SLC22A15: variants seen among roughly 807,000 people sequenced by gnomAD.
SLC22A15 encodes the protein solute carrier family 22 member 15.
Under a neutral mutation model 62.7 loss-of-function variants are expected in SLC22A15, and 45 were observed. The observed-to-expected ratio is 0.72, with a 90% CI of 0.56 to 0.92. The LOEUF (loss-of-function observed/expected upper bound fraction) is 0.92, where lower values mean the gene tolerates loss of function less well. Ranked by LOEUF, SLC22A15 falls within the 40% of genes least tolerant of loss-of-function variation. The pLI is 0.00. For synonymous variants in SLC22A15, 264 were observed against 267.0 expected (o/e 0.99, Z 0.11); for missense variants, 622 against 665.6 (o/e 0.93, Z 0.72).
intron 2 of SLC22A15, among the ~76,000 whole-genome samples, chr1:116,002,051 A>G (rs761881071): frequency 6.6e-6 from 1 of 152,246 alleles, no homozygotes; most frequent in Admixed American, 6.5e-5. Flanking sequence ...CCATAAGTGC[A>G]TGAGATAGCA....
intron 3 of SLC22A15, among the ~76,000 whole-genome samples, 173 bp from the exon 4 acceptor site, chr1:116,020,548 T>A: frequency 6.9e-6 from 1 of 145,790 alleles, no homozygotes. Flanking sequence ...AGAGCGAGAC[T>A]CCATCTCAAA....
At chr1:115,978,403 A>G (rs1381536640) in intron 1 of SLC22A15, among the ~76,000 whole-genome samples, 1 of 152,236 alleles carries the variant, frequency 6.6e-6, no homozygotes, top group African/African-American at 2.4e-5. Flanking sequence ...AAAAGTTCCA[A>G]GCCCATGCCT....
chr1:116,026,331 T>C (rs967010542), intron 4 of SLC22A15, among the ~76,000 whole-genome samples: 4 of 151,688 alleles, frequency 2.6e-5, no homozygotes, highest in African/African-American at 4.8e-5. Context: ...AGGCAGAGAA[T>C]TGCTTGAACC....
At chr1:115,981,534 A>G (rs1654609669) in intron 1 of SLC22A15, among the ~76,000 whole-genome samples, 2 of 152,218 alleles carry the variant, frequency 1.3e-5, no homozygotes, top group Middle Eastern at 3.2e-3. Context: ...CCAAACCCAC[A>G]CTGGCCCCCA....
intron 6 of SLC22A15, among the ~76,000 whole-genome samples, chr1:116,033,709 A>G (rs1471620876): frequency 2.0e-5 from 3 of 152,138 alleles, no homozygotes; most frequent in Admixed American, 2.0e-4. Context: ...AAAACGTTTT[A>G]GAAAACTGCA....
At chr1:116,007,230 G>A (rs2101180715) in intron 2 of SLC22A15, among the ~76,000 whole-genome samples, 1 of 152,266 alleles carries the variant, frequency 6.6e-6, no homozygotes, top group African/African-American at 2.4e-5. Flanking sequence ...AACAACATGG[G>A]GAGCAGGGCA....
chr1:116,037,499 T>C (rs1657661874), intron 8 of SLC22A15, 111 bp downstream of exon 8: 8 of 818,860 alleles, frequency 9.8e-6, no homozygotes, highest in Non-Finnish European at 1.6e-5. Context: ...GATTGCATAT[T>C]GTTTAGCAAT....
chr1:116,016,661 C>T (rs1017938515), intron 2 of SLC22A15, among the ~76,000 whole-genome samples: 14 of 152,118 alleles, frequency 9.2e-5, no homozygotes, highest in African/African-American at 3.1e-4. Context: ...TCTTGAATTC[C>T]CACCATGTAC....
At chr1:115,992,336 A>G (rs1655188175) in intron 2 of SLC22A15, 93 bp downstream of exon 2, 1 of 1,058,064 alleles carries the variant, frequency 9.5e-7, no homozygotes. Flanking sequence ...TATCAGCCAC[A>G]TTTTCAAATA....
chr1:116,032,194 C>A lies in SLC22A15; in HGVS notation c.944+613C>A, dbSNP rs899569468. On this transcript the variant is annotated intron_variant, in intron 6 of 11. Coordinates refer to ENST00000369503, the MANE Select transcript of SLC22A15 (RefSeq NM_018420.3). ...ATTTTTCTGGTTGTTTAGCTTATTCCCACCTACCTTTCAAAATGCTCTCAG... is the reference window on the plus strand; with the variant it reads ...ATTTTTCTGGTTGTTTAGCTTATTCACACCTACCTTTCAAAATGCTCTCAG... The A allele has an allele frequency of 7.1e-6, 7 of 985,276 alleles. No individual in the cohort carries two copies. The African/African-American group carries it at 8.7e-5, about 12-fold the overall frequency. The allele number at this position is 985,276 out of a possible 1,614,324, so 61.0% of individuals were successfully genotyped here.
chr1:115,989,146 T>C (rs989833733), intron 1 of SLC22A15, among the ~76,000 whole-genome samples: 1 of 151,916 alleles, frequency 6.6e-6, no homozygotes, highest in African/African-American at 2.4e-5. Flanking sequence ...TGGGTGTGTG[T>C]GCATGTGCAG....
intron 1 of SLC22A15, among the ~76,000 whole-genome samples, chr1:115,987,656 T>A (rs1317891734): frequency 6.6e-6 from 1 of 152,200 alleles, no homozygotes; most frequent in Non-Finnish European, 1.5e-5. Flanking sequence ...GCTTATGTAA[T>A]GCTTTTGATT....
At chr1:115,989,458 T>C (rs1479701622) in intron 1 of SLC22A15, among the ~76,000 whole-genome samples, 3 of 152,144 alleles carry the variant, frequency 2.0e-5, no homozygotes, top group African/African-American at 7.2e-5. Context: ...ATCTGTAAGG[T>C]TGCTTATCCT....
chr1:116,055,962 A>C (rs1297234399), intron 8 of SLC22A15, among the ~76,000 whole-genome samples: 2 of 143,116 alleles, frequency 1.4e-5, no homozygotes, highest in Middle Eastern at 3.4e-3. Flanking sequence ...CTGAATGGGC[A>C]AAAACTGGAA....
At chr1:115,990,361 C>T (rs1655087864) in intron 1 of SLC22A15, among the ~76,000 whole-genome samples, 1 of 152,192 alleles carries the variant, frequency 6.6e-6, no homozygotes, top group African/African-American at 2.4e-5. Context: ...CTCCCGAGTT[C>T]CCTTGCCCCA....
intron 1 of SLC22A15, among the ~76,000 whole-genome samples, chr1:115,981,119 G>A (rs891326876): frequency 6.6e-6 from 1 of 152,162 alleles, no homozygotes; most frequent in African/African-American, 2.4e-5. Flanking sequence ...TCTTAGGTCT[G>A]ATGAGATATG....
intron 2 of SLC22A15, among the ~76,000 whole-genome samples, chr1:116,003,686 T>C (rs1655843048): frequency 6.6e-6 from 1 of 152,124 alleles, no homozygotes; most frequent in South Asian, 2.1e-4. Flanking sequence ...TGCCGTGTGG[T>C]ATTTCTGTGG....
At chr1:116,053,865 G>T (rs1570770713) in intron 8 of SLC22A15, among the ~76,000 whole-genome samples, 1 of 151,640 alleles carries the variant, frequency 6.6e-6, no homozygotes, top group Admixed American at 6.6e-5. Flanking sequence ...GAGAGATTTT[G>T]TCACCACCAG....
intron 2 of SLC22A15, among the ~76,000 whole-genome samples, chr1:116,003,469 G>T (rs1655833642): frequency 6.6e-6 from 1 of 152,224 alleles, no homozygotes; most frequent in South Asian, 2.1e-4. Flanking sequence ...TTAGCTTGCA[G>T]TGGTGGGACT....
Sources: allele counts gnomAD v4.1 joint callset (sites outside exome capture counted in the v4.1 genomes callset), GRCh38; gene constraint gnomAD v4.1.1; transcripts MANE v1.5; gene names NCBI Gene and HGNC (gene_info 2026-07-23, HGNC 2026-07-21).